FRMD4B: variants seen among roughly 807,000 people sequenced by gnomAD.
The protein encoded by FRMD4B is FERM domain containing 4B, also known as FERM domain-containing protein 4B.
In FRMD4B, 74 loss-of-function variants were observed where a neutral mutation model predicts 141.5. The observed-to-expected ratio is 0.52, with a 90% CI of 0.43 to 0.63. The LOEUF (loss-of-function observed/expected upper bound fraction) is 0.63, where lower values mean the gene tolerates loss of function less well. Among genes scored for constraint, FRMD4B ranks in the 30% least tolerant of loss-of-function variants. The probability of loss-of-function intolerance (pLI) is 0.00; values close to 1 mark genes in which losing one functional copy is unlikely to be tolerated. For synonymous variants in FRMD4B, 506 were observed against 467.9 expected (o/e 1.08, Z -1.05); for missense variants, 1,366 against 1,253.4 (o/e 1.09, Z -1.36).
At chr3:69,532,650 C>G (rs1229345256) in intron 1 of FRMD4B, among the ~76,000 whole-genome samples, 2 of 152,168 alleles carry the variant, frequency 1.3e-5, no homozygotes, top group East Asian at 3.9e-4. Flanking sequence ...TCTGACAGAA[C>G]TCGGGTTGAG....
At chr3:69,380,347 GTGAGACTAGAGGAAC>G (rs948225072) in intron 1 of FRMD4B, among the ~76,000 whole-genome samples, 1 of 152,110 alleles carries the variant, frequency 6.6e-6, no homozygotes, top group African/African-American at 2.4e-5. Flanking sequence ...CCAAGTCCAG[GTGAGACTAGAGGAAC>G]TAGTCTCACC....
chr3:69,273,735 T>C lies in FRMD4B; in HGVS notation c.501+14017A>G, dbSNP rs148574089. On this transcript the variant is annotated intron_variant, in intron 5 of 22. Coordinates refer to ENST00000398540, the MANE Select transcript of FRMD4B (RefSeq NM_015123.3). ...CTAAGGGCCTATAGTGCATGCCAGG[T>C]TCTGTGCCAGTGTTTGGGGAGATAA... Among the ~76,000 whole-genome samples, 1,227 of 152,302 alleles carry C rather than the reference T, an allele frequency of 8.1e-3. 25 individuals carry two copies. The highest frequency in any genetic ancestry group is 0.029 in the African/African-American group (1,185 of 41,568).
chr3:69,392,745 A>G (rs561100828), intron 2 of FRMD4B, among the ~76,000 whole-genome samples: 51 of 152,064 alleles, frequency 3.4e-4, no homozygotes, highest in Non-Finnish European at 7.1e-4. Context: ...GGGCTCCCCA[A>G]CTATGCAGTG....
At chr3:69,267,667 AG>A (rs2093573824) in intron 5 of FRMD4B, among the ~76,000 whole-genome samples, 1 of 138,922 alleles carries the variant, frequency 7.2e-6, no homozygotes, top group African/African-American at 2.7e-5. Context: ...AGAGAGAGAG[AG>A]AGAGAGAGAG....
In FRMD4B at chr3:69,169,353, C is replaced by CTTCCTTTTTTTTTTTTT. The variant is rs1553691418; in HGVS notation, c.*2507_*2508insAAAAAAAAAAAAAGGAA. 6.8e-5 allele frequency among the ~76,000 whole-genome samples: 2 copies of CTTCCTTTTTTTTTTTTT among 29,286 alleles called. 1 individual carries two copies. The allele number at this position is 29,286 out of a possible 152,430, so 19.2% of individuals were successfully genotyped here. ...AGGATTGCTGAACTTCCATTTCTTT[C>CTTCCTTTTTTTTTTTTT]TTTTTTTTTTTTTTTTTTTTTTCTT... On this transcript the variant is annotated 3_prime_UTR_variant, in exon 23 of 23. Transcript: ENST00000398540.
At chr3:69,301,135 GA>G (rs890838920) in intron 4 of FRMD4B, among the ~76,000 whole-genome samples, 3 of 151,934 alleles carry the variant, frequency 2.0e-5, no homozygotes, top group Non-Finnish European at 4.4e-5. Context: ...AGGTTGCAAA[GA>G]AAAAAAATTT....
chr3:69,283,442 A>G (rs1250581036), intron 5 of FRMD4B, among the ~76,000 whole-genome samples: 3 of 150,282 alleles, frequency 2.0e-5, no homozygotes, highest in Admixed American at 6.6e-5. Flanking sequence ...AAAAAAAAAA[A>G]AAAGAAAGAA....
At chr3:69,472,390 T>C (rs1457363070) in intron 1 of FRMD4B, 1 of 496,654 alleles carries the variant, frequency 2.0e-6, no homozygotes, top group Non-Finnish European at 4.1e-6. Context: ...TCATTCTTAA[T>C]ATCTTGGAAG....
chr3:69,442,018 C>A (rs1294357242), intron 1 of FRMD4B, among the ~76,000 whole-genome samples: 2 of 152,072 alleles, frequency 1.3e-5, no homozygotes, highest in African/African-American at 2.4e-5. Flanking sequence ...AATCCAGAAA[C>A]CATTTATCCA....
At chr3:69,191,695 G>C (rs1296556726) in intron 17 of FRMD4B, among the ~76,000 whole-genome samples, 21 of 152,212 alleles carry the variant, frequency 1.4e-4, no homozygotes, top group Admixed American at 1.4e-3. Context: ...ATAGTCAGCT[G>C]TTAGGCATAC....
chr3:69,211,433 A>G (rs1355103745), intron 11 of FRMD4B, among the ~76,000 whole-genome samples: 1 of 152,202 alleles, frequency 6.6e-6, no homozygotes, highest in African/African-American at 2.4e-5. Flanking sequence ...AAAAAAAGCC[A>G]TATAAATAAA....
intron 1 of FRMD4B, chr3:69,536,228 T>C: frequency 1.7e-6 from 1 of 601,840 alleles, no homozygotes; most frequent in Non-Finnish European, 3.1e-6. Context: ...ACTTGGTTTC[T>C]TGGCGTCCTT....
At chr3:69,406,985 G>A (rs1575790826) in intron 2 of FRMD4B, among the ~76,000 whole-genome samples, 1 of 150,656 alleles carries the variant, frequency 6.6e-6, no homozygotes, top group South Asian at 2.1e-4. Flanking sequence ...TGACTTCAAG[G>A]GATCTGCCTT....
At chr3:69,323,082 T>A in intron 1 of FRMD4B, 1 of 670,748 alleles carries the variant, frequency 1.5e-6, no homozygotes, top group Non-Finnish European at 1.8e-6. Flanking sequence ...GCAGGCAGTG[T>A]AAAAGAAGCA....
chr3:69,366,238 C>T (rs113451803), intron 1 of FRMD4B, among the ~76,000 whole-genome samples: 24,036 of 149,196 alleles, frequency 0.16, 2,123 homozygotes, highest in African/African-American at 0.21. Context: ...CCAACCTAGG[C>T]AACAGAGCAA....
intron 2 of FRMD4B, among the ~76,000 whole-genome samples, chr3:69,410,982 G>C (rs1282277027): frequency 1.3e-5 from 2 of 151,956 alleles, no homozygotes; most frequent in Admixed American, 6.6e-5. Context: ...TAAGCCATAA[G>C]GGGTCAGCCA....
At chr3:69,222,463 A>G (rs1338121987) in intron 8 of FRMD4B, among the ~76,000 whole-genome samples, 4 of 83,178 alleles carry the variant, frequency 4.8e-5, no homozygotes, top group Admixed American at 1.9e-4. Flanking sequence ...GTGAAAATCC[A>G]TCTCAAAAAA....
intron 5 of FRMD4B, among the ~76,000 whole-genome samples, chr3:69,270,365 G>T: frequency 6.6e-6 from 1 of 152,158 alleles, no homozygotes; most frequent in African/African-American, 2.4e-5. Flanking sequence ...CTGCAGGAAG[G>T]AAAATGACAT....
intron 2 of FRMD4B, among the ~76,000 whole-genome samples, chr3:69,393,328 A>C (rs957574266): frequency 2.8e-5 from 3 of 107,958 alleles, no homozygotes; most frequent in Non-Finnish European, 5.9e-5. Context: ...CTGAAGAAGT[A>C]CAAAAAAAAA....
Sources: allele counts gnomAD v4.1 joint callset (sites outside exome capture counted in the v4.1 genomes callset), GRCh38; gene constraint gnomAD v4.1.1; transcripts MANE v1.5; gene names NCBI Gene and HGNC (gene_info 2026-07-23, HGNC 2026-07-21).